ZCCHC14: variants seen among roughly 807,000 people sequenced by gnomAD.
The protein encoded by ZCCHC14 is zinc finger CCHC domain-containing protein 14.
Under a neutral mutation model 85.0 loss-of-function variants are expected in ZCCHC14, and 16 were observed. The ratio of observed to expected loss-of-function variants is 0.19; its 90% CI spans 0.13 to 0.29. The LOEUF is 0.29. ZCCHC14 is among the 10% of genes least tolerant of loss of function. The pLI is 1.00. For synonymous variants in ZCCHC14, 775 were observed against 630.7 expected, an observed-to-expected ratio of 1.23 and a Z score of -3.43; for missense variants, 1,303 against 1,443.5, an observed-to-expected ratio of 0.90 and a Z score of 1.58.
intron 3 of ZCCHC14, 127 bp downstream of exon 3, chr16:87,433,001 T>C: frequency 1.1e-6 from 1 of 910,058 alleles, no homozygotes; most frequent in Non-Finnish European, 1.6e-6. Context: ...AGGGCCAGCT[T>C]CCTATACAGC....
intron 2 of ZCCHC14, among the ~76,000 whole-genome samples, chr16:87,447,523 T>C (rs1361253531): frequency 1.3e-5 from 2 of 152,358 alleles, no homozygotes; most frequent in African/African-American, 2.4e-5. Context: ...GAGATTCCGA[T>C]GTGGTTACAT....
chr16:87,470,699 C>T (rs1279871163), intron 1 of ZCCHC14: 4 of 152,140 alleles, frequency 2.6e-5, no homozygotes, highest in Admixed American at 1.3e-4. Flanking sequence ...TGAAATAGGT[C>T]GCTAAATGTG....
intron 1 of ZCCHC14, among the ~76,000 whole-genome samples, chr16:87,465,108 T>C (rs963013122): frequency 6.6e-6 from 1 of 152,232 alleles, no homozygotes; most frequent in Non-Finnish European, 1.5e-5. Flanking sequence ...CACATCTGCC[T>C]GGGGCCTTCG....
intron 1 of ZCCHC14, among the ~76,000 whole-genome samples, chr16:87,475,652 G>T (rs537184563): frequency 2.6e-5 from 4 of 151,844 alleles, no homozygotes; most frequent in Non-Finnish European, 5.9e-5. Flanking sequence ...CAGACTGGAG[G>T]TAACAGAAGA....
chr16:87,455,179 T>A (rs1181991071), intron 2 of ZCCHC14, among the ~76,000 whole-genome samples: 1 of 152,010 alleles, frequency 6.6e-6, no homozygotes, highest in Non-Finnish European at 1.5e-5. Flanking sequence ...TCCCAGCTGC[T>A]AGGGAGGCTG....
At chr16:87,416,349 T>G (rs907589711) in intron 8 of ZCCHC14, among the ~76,000 whole-genome samples, 2 of 152,230 alleles carry the variant, frequency 1.3e-5, no homozygotes, top group Admixed American at 6.5e-5. Flanking sequence ...AGCCTCTAAT[T>G]TTCATGTTAT....
chr16:87,449,047 G>C (rs1597428762), intron 2 of ZCCHC14, among the ~76,000 whole-genome samples: 1 of 152,192 alleles, frequency 6.6e-6, no homozygotes, highest in African/African-American at 2.4e-5. Flanking sequence ...CAAGGAGGAT[G>C]AGGGACGCCT....
intron 1 of ZCCHC14, among the ~76,000 whole-genome samples, chr16:87,490,318 T>C (rs1248468972): frequency 2.0e-5 from 3 of 152,246 alleles, no homozygotes; most frequent in Non-Finnish European, 4.4e-5. Context: ...TATCAAAGTT[T>C]TAACTTCAAA....
rs1359551816 is a variant in ZCCHC14 at position 87,420,848 on chromosome 16, C to G, written c.841-132G>C. 1 of 642,930 alleles carries G rather than the reference C, an allele frequency of 1.6e-6. No homozygotes were observed. Among genetic ancestry groups the G allele is most frequent in the Non-Finnish European group, 2.6e-6 (1 of 382,206 alleles). The allele number at this position is 642,930 out of a possible 1,614,324, so 39.8% of individuals were successfully genotyped here. On this transcript the variant is annotated intron_variant, in intron 4 of 12. Coordinates refer to ENST00000671377, the MANE Select transcript of ZCCHC14 (RefSeq NM_015144.3). This position sits in a 1 kb window ranked among gnomAD's most constrained non-coding sequence, Gnocchi z 5.0. ...CTGGTCTGATATGATTTACACCTCC[C>G]GTCAGAGCTATTCTGGGGCCCACAT...
chr16:87,422,911 G>A (rs913261204), intron 4 of ZCCHC14, among the ~76,000 whole-genome samples: 2 of 152,124 alleles, frequency 1.3e-5, no homozygotes, highest in African/African-American at 2.4e-5. Flanking sequence ...TTCCCGGGGG[G>A]GGGTGTGTGT....
intron 2 of ZCCHC14, among the ~76,000 whole-genome samples, chr16:87,458,730 A>C (rs2150757589): frequency 6.6e-6 from 1 of 152,294 alleles, no homozygotes; most frequent in East Asian, 1.9e-4. Flanking sequence ...GGGAGAGCGC[A>C]CAGGGTGAGC....
intron 1 of ZCCHC14, among the ~76,000 whole-genome samples, chr16:87,485,701 C>G (rs910102562): frequency 6.6e-6 from 1 of 151,754 alleles, no homozygotes; most frequent in African/African-American, 2.4e-5. Context: ...ACAAAAATTT[C>G]TTCGTCATCA....
intron 4 of ZCCHC14, among the ~76,000 whole-genome samples, chr16:87,422,799 C>T (rs1006746508): frequency 6.6e-6 from 1 of 151,792 alleles, no homozygotes; most frequent in African/African-American, 2.4e-5. Flanking sequence ...AAGTTCCAGC[C>T]GGCAGGAGTG....
rs1567505777 is a variant in ZCCHC14 at position 87,410,348 on chromosome 16, G to A, written c.3206-13C>T. On this transcript the variant is annotated splice_polypyrimidine_tract_variant and intron_variant, in intron 12 of 12. Coordinates refer to ENST00000671377, the MANE Select transcript of ZCCHC14 (RefSeq NM_015144.3). ...AACCTAAAAGTACCTAGAGAGAGGG[G>A]AAAAAAGAGGTCAAATTTGAATGAC... is the stretch of plus-strand genomic sequence containing the variant. The A allele has an allele frequency of 5.2e-6, 4 of 771,584 alleles. No homozygotes were observed. The highest frequency in any genetic ancestry group is 9.6e-6 in the Non-Finnish European group (4 of 414,798). The allele number at this position is 771,584 out of a possible 1,614,324, so 47.8% of individuals were successfully genotyped here.
rs145545432 is a variant in ZCCHC14, at chr16:87,463,571, C to A, written c.571-3440G>T. ...CGGTGGCTCACGTCTGTAATCCCAG[C>A]ACTCTGGGAGGCCGAGGCGGACAGA... On this transcript the variant is annotated intron_variant, in intron 1 of 12. Coordinates refer to ENST00000671377, the MANE Select transcript of ZCCHC14 (RefSeq NM_015144.3). Among the ~76,000 whole-genome samples, 7 of 152,268 alleles carry A rather than the reference C, an allele frequency of 4.6e-5. No individual in the cohort carries two copies. In the East Asian group the frequency reaches 1.4e-3, roughly 29 times the overall value.
intron 3 of ZCCHC14, among the ~76,000 whole-genome samples, chr16:87,424,185 G>A (rs1266821816): frequency 6.6e-6 from 1 of 152,232 alleles, no homozygotes; most frequent in South Asian, 2.1e-4. Flanking sequence ...GCTTGTGTGT[G>A]CCCTGTTCAA....
chr16:87,417,370 C>T, intron 8 of ZCCHC14, 90 bp downstream of exon 8: 1 of 1,541,636 alleles, frequency 6.5e-7, no homozygotes, highest in South Asian at 1.2e-5. Flanking sequence ...CTTCATCCAC[C>T]TTGTGTTGGT....
chr16:87,434,644 G>A (rs1039099504), intron 2 of ZCCHC14, among the ~76,000 whole-genome samples: 3 of 152,224 alleles, frequency 2.0e-5, no homozygotes, highest in African/African-American at 4.8e-5. Flanking sequence ...CTCTCCACGG[G>A]CGCCAGTGCT....
Position 87,491,731 on chromosome 16 carries a change from G to A in ZCCHC14, c.508C>T (p.His170Tyr), listed in dbSNP as rs765949927. ...GGCCCGGGCGCGCCCTTGCCGCCGT[G>A]GCCCCCGCCGCCGTTCAGGCTGCTC... Reference protein sequence around the residue: ...IQSSLNGGGGHGGKGAPGPGG... With the variant: ...IQSSLNGGGGYGGKGAPGPGG... Residue 170 changes from histidine (H) to tyrosine (Y), a missense_variant, in exon 1 of 13, where the codon CAC (histidine) becomes TAC (tyrosine). This residue lies in a region of ZCCHC14 where 389 missense variants were observed against 397.8 expected (regional missense o/e 0.98). Coordinates refer to ENST00000671377, the MANE Select transcript of ZCCHC14 (RefSeq NM_015144.3). The surrounding 1 kb of genome is among the most constrained non-coding windows in gnomAD (Gnocchi z 5.9). 1 of 1,567,742 alleles carries A rather than the reference G, an allele frequency of 6.4e-7. No homozygotes were observed. Among genetic ancestry groups the A allele is most frequent in the South Asian group, 1.2e-5 (1 of 85,476 alleles).
Sources: gnomAD v4.1 joint callset for allele counts (sites outside exome capture counted in the v4.1 genomes callset) on GRCh38, gnomAD v4.1.1 for gene constraint, gnomAD v4.1.1 regional missense constraint, Gnocchi (gnomAD v3.1) non-coding constraint, MANE v1.5 for transcripts, NCBI Gene and HGNC (gene_info 2026-07-23, HGNC 2026-07-21) for gene names.